The following PUS7 variants were observed in gnomAD, a reference collection of about 807,000 sequenced individuals.
PUS7 encodes pseudouridylate synthase 7 homolog.
A neutral mutation model predicts 79.8 loss-of-function variants in PUS7; 48 were observed. That is an observed-to-expected ratio of 0.60 (90% CI 0.48 to 0.76). The LOEUF (loss-of-function observed/expected upper bound fraction) is 0.76, where lower values mean the gene tolerates loss of function less well. PUS7 is among the 30% of genes least tolerant of loss of function. The probability of loss-of-function intolerance (pLI) is 0.00; values close to 1 mark genes in which losing one functional copy is unlikely to be tolerated. For synonymous variants in PUS7, 286 were observed against 272.2 expected, an observed-to-expected ratio of 1.05 and a Z score of -0.50; for missense variants, 729 against 797.6, an observed-to-expected ratio of 0.91 and a Z score of 1.04.
At position 105,495,178 on chromosome 7, in the gene PUS7, G is replaced by C; in HGVS notation, c.806C>G (p.Thr269Ser). 2 of 1,611,802 alleles carry C rather than the reference G, an allele frequency of 1.2e-6. No homozygotes were observed. Among genetic ancestry groups the C allele is most frequent in the Non-Finnish European group, 1.7e-6 (2 of 1,178,564 alleles). Reference protein sequence around the residue: ...HFVLYKENKDTMDAINVLSKY... With the variant: ...HFVLYKENKDSMDAINVLSKY... ...GGAGAGTACATTAATAGCATCCATGGTGTCTTTGTTTTCCTTATATAGTAC... is the reference window on the plus strand; with the variant it reads ...GGAGAGTACATTAATAGCATCCATGCTGTCTTTGTTTTCCTTATATAGTAC... The change falls in exon 6 of 16, where the codon ACC (threonine) becomes AGC (serine). Residue 269 changes from threonine (T) to serine (S), a missense_variant. Physicochemically the swap from Thr to Ser is moderately conservative, Grantham distance 58. Coordinates refer to ENST00000469408, the MANE Select transcript of PUS7 (RefSeq NM_019042.5).
chr7:105,487,650 A>G (rs771104442), intron 7 of PUS7, among the ~76,000 whole-genome samples: 1 of 152,164 alleles, frequency 6.6e-6, no homozygotes, highest in Non-Finnish European at 1.5e-5. Flanking sequence ...ATTTACAGCA[A>G]ATTCAGTGAG....
chr7:105,502,033 C>T (rs1267067199), intron 5 of PUS7, among the ~76,000 whole-genome samples: 1 of 150,266 alleles, frequency 6.7e-6, no homozygotes, highest in Non-Finnish European at 1.5e-5. Context: ...AGGTGACAAG[C>T]GTTTTTTGTT....
intron 5 of PUS7, among the ~76,000 whole-genome samples, chr7:105,497,215 C>T (rs913172358): frequency 7.9e-5 from 12 of 152,194 alleles, no homozygotes; most frequent in African/African-American, 2.7e-4. Flanking sequence ...TCAATCCCTT[C>T]ACAATGGGCA....
chr7:105,510,751 G>A (rs998700270), intron 1 of PUS7, among the ~76,000 whole-genome samples: 2 of 152,122 alleles, frequency 1.3e-5, no homozygotes, highest in African/African-American at 4.8e-5. Flanking sequence ...CTGACCTCAA[G>A]TGATCTTCCC....
chr7:105,471,955 C>A (rs1586104828), intron 10 of PUS7, among the ~76,000 whole-genome samples, 177 bp downstream of exon 10: 1 of 148,548 alleles, frequency 6.7e-6, no homozygotes, highest in East Asian at 2.0e-4. Context: ...AATTATAAAT[C>A]TTAAATATAC....
rs57080279 is a variant in PUS7 at position 105,482,444 on chromosome 7, T to TAA, written c.921-6_921-5dup. Reference sequence around the variant, plus strand: ...GGCAAGTCTTTGTGCAGTTATTCTTTAAAAAAAAAAAAAAAAGCAACAAAA... The same window carrying TAA: ...GGCAAGTCTTTGTGCAGTTATTCTTTAAAAAAAAAAAAAAAAAAGCAACAAAA... On this transcript the variant is annotated splice_region_variant and splice_polypyrimidine_tract_variant and intron_variant, in intron 7 of 15. Coordinates refer to ENST00000469408, the MANE Select transcript of PUS7 (RefSeq NM_019042.5). 1.8e-4 allele frequency: 264 copies of TAA among 1,443,088 alleles called. No individual in the cohort carries two copies. The highest frequency in any genetic ancestry group is 2.2e-4 in the Admixed American group (10 of 46,110). 89.4% of individuals were successfully genotyped at this position (1,443,088 alleles called of 1,614,324 possible). A position where few individuals can be genotyped will look rare whatever the true frequency, so the allele number is the denominator to read the frequency against.
In PUS7 at chr7:105,508,473, C is replaced by T; in HGVS notation, c.40G>A (p.Gly14Arg). ...TCATTATCTTCGACAACCAGTGCCC[C>T]ACGTTTCAGCGACACACCAGTCATT... Reference protein sequence around the residue: ...TEMTGVSLKRGALVVEDNDSG... With the variant: ...TEMTGVSLKRRALVVEDNDSG... The change falls in exon 2 of 16, where the codon GGG becomes AGG. Residue 14 changes from glycine to arginine, a missense_variant. Coordinates refer to ENST00000469408, the MANE Select transcript of PUS7 (RefSeq NM_019042.5). 2 of 1,614,034 alleles carry T rather than the reference C, an allele frequency of 1.2e-6. No homozygotes were observed. The highest frequency in any genetic ancestry group is 1.7e-6 in the Non-Finnish European group (2 of 1,179,980).
At chr7:105,475,329 G>A (rs1824049325) in intron 9 of PUS7, among the ~76,000 whole-genome samples, 1 of 152,108 alleles carries the variant, frequency 6.6e-6, no homozygotes, top group Non-Finnish European at 1.5e-5. Flanking sequence ...GGGACTACAG[G>A]CGCGCGCCAC....
intron 6 of PUS7, among the ~76,000 whole-genome samples, chr7:105,493,755 T>C (rs114382755): frequency 6.6e-6 from 1 of 152,010 alleles, no homozygotes; most frequent in African/African-American, 2.4e-5. Context: ...GAAGACACAG[T>C]GAGAAGGCAG....
chr7:105,487,754 T>C (rs1238498438), intron 7 of PUS7, among the ~76,000 whole-genome samples: 1 of 152,096 alleles, frequency 6.6e-6, no homozygotes, highest in East Asian at 1.9e-4. Flanking sequence ...GCCAGGGAAA[T>C]ACTGGCCCAA....
intron 7 of PUS7, among the ~76,000 whole-genome samples, chr7:105,486,475 T>C (rs189921958): frequency 3.9e-5 from 6 of 152,298 alleles, no homozygotes; most frequent in Admixed American, 3.9e-4. Flanking sequence ...CACTGTAACC[T>C]TGAATTCCTG....
intron 5 of PUS7, chr7:105,496,946 GC>G: frequency 8.3e-7 from 1 of 1,212,098 alleles, no homozygotes; most frequent in Non-Finnish European, 1.1e-6. Context: ...AATGCCAAAT[GC>G]TCTTACCTGC....
intron 1 of PUS7, among the ~76,000 whole-genome samples, chr7:105,515,141 T>G (rs1397427735): frequency 6.6e-6 from 1 of 152,176 alleles, no homozygotes; most frequent in Non-Finnish European, 1.5e-5. Context: ...AGAGAGGAAC[T>G]TTCCCTTTGG....
rs1424322714 is a variant in PUS7 at position 105,456,858 on chromosome 7, TA to T, written c.*931del. The T allele has an allele frequency of 2.0e-5, 3 of 151,822 alleles. No individual in the cohort carries two copies. The highest frequency in any genetic ancestry group is 7.2e-5 in the African/African-American group (3 of 41,382). 9.4% of individuals were successfully genotyped at this position (151,822 alleles called of 1,614,324 possible). On this transcript the variant is annotated 3_prime_UTR_variant, in exon 16 of 16. Transcript: ENST00000469408. Reference sequence around the variant, plus strand: ...AGAGTAAAAATTAGACCTTAACTAATAAAACAGCTGTACACGTTTACATCAA... The same window carrying T: ...AGAGTAAAAATTAGACCTTAACTAATAAACAGCTGTACACGTTTACATCAA...
intron 9 of PUS7, among the ~76,000 whole-genome samples, chr7:105,475,254 C>A (rs557815915): frequency 1.3e-5 from 2 of 152,040 alleles, no homozygotes; most frequent in Admixed American, 6.6e-5. Flanking sequence ...GGCACGATCT[C>A]GGCTCACTGC....
chr7:105,516,993 T>C (rs1264186492), intron 1 of PUS7, among the ~76,000 whole-genome samples: 2 of 152,070 alleles, frequency 1.3e-5, no homozygotes, highest in African/African-American at 4.8e-5. Flanking sequence ...TTTTTTGACA[T>C]ATTTAAAAGA....
chr7:105,495,971 C>A (rs1049930767), intron 5 of PUS7, among the ~76,000 whole-genome samples: 2 of 151,622 alleles, frequency 1.3e-5, no homozygotes, highest in African/African-American at 4.8e-5. Flanking sequence ...ACAAGCCTGG[C>A]CAACATGGTG....
At chr7:105,513,063 C>T (rs1162304638) in intron 1 of PUS7, among the ~76,000 whole-genome samples, 2 of 152,152 alleles carry the variant, frequency 1.3e-5, no homozygotes, top group African/African-American at 4.8e-5. Flanking sequence ...GATGAGCCCA[C>T]CCATAGTCCT....
intron 8 of PUS7, among the ~76,000 whole-genome samples, chr7:105,481,990 A>G (rs1173901227): frequency 1.3e-5 from 2 of 152,154 alleles, no homozygotes; most frequent in Non-Finnish European, 2.9e-5. Flanking sequence ...AAGGCCTCCC[A>G]AAGTGCTGGG....
Sources: gnomAD v4.1 joint callset for allele counts (sites outside exome capture counted in the v4.1 genomes callset) on GRCh38, gnomAD v4.1.1 for gene constraint, MANE v1.5 for transcripts, NCBI Gene and HGNC (gene_info 2026-07-23, HGNC 2026-07-21) for gene names.